Variants in ZC3H12B observed in about 807,000 individuals in gnomAD.
The protein encoded by ZC3H12B is probable ribonuclease ZC3H12B.
Under a neutral mutation model 43.9 loss-of-function variants are expected in ZC3H12B, and 7 were observed. The observed-to-expected ratio is 0.16, with a 90% CI of 0.09 to 0.30. ZC3H12B has a LOEUF of 0.30. ZC3H12B is among the 10% of genes least tolerant of loss of function. The pLI is 1.00. For synonymous variants in ZC3H12B, 222 were observed against 241.7 expected, an observed-to-expected ratio of 0.92 and a Z score of 0.76; for missense variants, 475 against 670.2, an observed-to-expected ratio of 0.71 and a Z score of 3.22.
the ZC3H12B span, among the ~76,000 whole-genome samples, chrX:65,137,846 T>C: frequency 2.7e-5 from 3 of 113,020 alleles, no homozygotes. Context: ...TGTTTCTTTT[T>C]GAGACGGAGT....
the ZC3H12B span, among the ~76,000 whole-genome samples, chrX:65,153,988 C>A: frequency 3.6e-5 from 4 of 111,018 alleles, no homozygotes; most frequent in Non-Finnish European, 5.7e-5. Flanking sequence ...GGACAAAAAA[C>A]CAAACACCGC....
At chrX:65,248,915 T>G in the ZC3H12B span, among the ~76,000 whole-genome samples, 1 of 111,738 alleles carries the variant, frequency 8.9e-6, no homozygotes, top group Non-Finnish European at 1.9e-5. Flanking sequence ...TAGCTGACTT[T>G]TTGATGGGAT....
chrX:65,230,383 G>T, the ZC3H12B span, among the ~76,000 whole-genome samples: 7 of 108,746 alleles, frequency 6.4e-5, no homozygotes, highest in African/African-American at 2.0e-4. Context: ...GGGGACTGTT[G>T]TGGGATGGGG....
At chrX:65,278,856 A>G in the ZC3H12B span, among the ~76,000 whole-genome samples, 3 of 96,021 alleles carry the variant, frequency 3.1e-5, no homozygotes, top group Non-Finnish European at 6.1e-5. Context: ...TTGTGTTCAT[A>G]AGCGCTTATT....
chrX:65,494,014 C>T (rs1011423025), intron 1 of ZC3H12B, among the ~76,000 whole-genome samples: 3 of 110,880 alleles, frequency 2.7e-5, no homozygotes, highest in African/African-American at 6.6e-5. Flanking sequence ...TCATGAAATG[C>T]TTCAGTGGCA....
chrX:65,430,262 G>A (rs1445835874), intron 3 of ZC3H12B, among the ~76,000 whole-genome samples: 1 of 111,112 alleles, frequency 9.0e-6, no homozygotes, highest in African/African-American at 3.3e-5. Context: ...GGGCTCACAA[G>A]GGGATCTCCT....
the ZC3H12B span, among the ~76,000 whole-genome samples, chrX:65,175,345 G>A: frequency 5.4e-5 from 6 of 111,320 alleles, no homozygotes; most frequent in East Asian, 2.8e-4. Flanking sequence ...ATCTCTCTCC[G>A]TTTTGCATGT....
At chrX:65,371,673 T>C (rs1440545993) in intron 2 of ZC3H12B, among the ~76,000 whole-genome samples, 2 of 112,290 alleles carry the variant, frequency 1.8e-5, no homozygotes, top group Non-Finnish European at 1.9e-5. Flanking sequence ...TATTAATGCA[T>C]CTTTCAGAGC....
intron 2 of ZC3H12B, among the ~76,000 whole-genome samples, chrX:65,382,468 T>C (rs1461594114): frequency 9.0e-6 from 1 of 111,369 alleles, no homozygotes; most frequent in Non-Finnish European, 1.9e-5. Flanking sequence ...TAATAAGAGC[T>C]ATTTATGACA....
chrX:65,174,472 G>A, the ZC3H12B span, among the ~76,000 whole-genome samples: 13 of 111,786 alleles, frequency 1.2e-4, no homozygotes, highest in Non-Finnish European at 2.4e-4. Context: ...CTGAAGCTGC[G>A]CCCACATCCA....
At chrX:65,498,742 G>C (rs947499907) in intron 2 of ZC3H12B, among the ~76,000 whole-genome samples, 1 of 111,978 alleles carries the variant, frequency 8.9e-6, no homozygotes, top group Admixed American at 9.5e-5. Flanking sequence ...ACTCTTCATG[G>C]TAGTTTTTAA....
chrX:65,411,301 C>G (rs934595364), intron 3 of ZC3H12B, among the ~76,000 whole-genome samples: 1 of 111,767 alleles, frequency 8.9e-6, no homozygotes, highest in African/African-American at 3.3e-5. Flanking sequence ...TTACCAGAGG[C>G]TAAGAGGAGA....
intron 3 of ZC3H12B, among the ~76,000 whole-genome samples, chrX:65,402,653 A>T (rs1032513813): frequency 4.5e-5 from 5 of 111,976 alleles, no homozygotes; most frequent in African/African-American, 1.6e-4. Flanking sequence ...TTTAGGAGAA[A>T]ATAAGGGGAA....
At chrX:65,381,731 A>T (rs2066443063) in intron 2 of ZC3H12B, among the ~76,000 whole-genome samples, 1 of 112,184 alleles carries the variant, frequency 8.9e-6, no homozygotes, top group South Asian at 3.7e-4. Context: ...AAGAAAAGAG[A>T]GTAGAATCAA....
At chrX:65,092,895 C>T in the ZC3H12B span, among the ~76,000 whole-genome samples, 1 of 111,804 alleles carries the variant, frequency 8.9e-6, no homozygotes, top group Non-Finnish European at 1.9e-5. Flanking sequence ...TTGCTGATAA[C>T]CAAGACGGTG....
At chrX:65,387,070 G>C (rs924495725) in intron 2 of ZC3H12B, among the ~76,000 whole-genome samples, 30 of 111,767 alleles carry the variant, frequency 2.7e-4, no homozygotes, top group Non-Finnish European at 5.4e-4. Flanking sequence ...TTCCAACTAT[G>C]TGGTCAATTT....
chrX:65,347,866 G>A, the ZC3H12B span, among the ~76,000 whole-genome samples: 1 of 112,448 alleles, frequency 8.9e-6, no homozygotes, highest in Non-Finnish European at 1.9e-5. Context: ...ACTGGATTAA[G>A]AAAATGTGGC....
chrX:65,069,230 T>G, the ZC3H12B span, among the ~76,000 whole-genome samples: 1 of 107,171 alleles, frequency 9.3e-6, no homozygotes, highest in African/African-American at 3.4e-5. Context: ...CTGTCTTTTT[T>G]TCTACCTCCT....
the ZC3H12B span, among the ~76,000 whole-genome samples, chrX:65,260,376 G>T: frequency 9.0e-6 from 1 of 110,783 alleles, no homozygotes; most frequent in East Asian, 2.8e-4. Context: ...AAATTAGAAT[G>T]GGGTTGTATT....
Sources: allele counts gnomAD v4.1 joint callset (sites outside exome capture counted in the v4.1 genomes callset), GRCh38; gene constraint gnomAD v4.1.1; transcripts MANE v1.5; gene names NCBI Gene and HGNC (gene_info 2026-07-23, HGNC 2026-07-21).